C12orf56: variants seen among roughly 807,000 people sequenced by gnomAD.
C12orf56 encodes the protein chromosome 12 open reading frame 56, also known as uncharacterized protein C12orf56.
In C12orf56, 71 loss-of-function variants were observed where a neutral mutation model predicts 69.9. The observed-to-expected ratio is 1.02, with a 90% CI of 0.84 to 1.24. The LOEUF is 1.24. Among genes scored for constraint, C12orf56 ranks in the 50% most tolerant of loss-of-function variants. The pLI is 0.00. For synonymous variants in C12orf56, 276 were observed against 274.1 expected (o/e 1.01, Z -0.07); for missense variants, 732 against 738.5 (o/e 0.99, Z 0.10).
chr12:64,319,484 C>T (rs1309437900), intron 3 of C12orf56, among the ~76,000 whole-genome samples: 1 of 152,192 alleles, frequency 6.6e-6, no homozygotes, highest in East Asian at 1.9e-4. Context: ...TAACCTCCAC[C>T]TCCCAGGCTC....
rs146823207 is a variant in C12orf56, at chr12:64,286,116, C to G, written c.1114-56G>C. 458 of 1,102,882 alleles carry G rather than the reference C, an allele frequency of 4.2e-4. 2 individuals carry two copies. In the African/African-American group the frequency reaches 6.3e-3, roughly 15 times the overall value. The allele number at this position is 1,102,882 out of a possible 1,614,324, so 68.3% of individuals were successfully genotyped here. A position where few individuals can be genotyped will look rare whatever the true frequency, so the allele number is the denominator to read the frequency against. On this transcript the variant is annotated intron_variant, in intron 6 of 12. Transcript: ENST00000543942. ...AATTAAGGTATCTGTTGTTAAAATTCTCTACTCTCATGTACTAAAAATATG... is the reference window on the plus strand; with the variant it reads ...AATTAAGGTATCTGTTGTTAAAATTGTCTACTCTCATGTACTAAAAATATG...
chr12:64,268,557 A>C (rs1162976), intron 12 of C12orf56, among the ~76,000 whole-genome samples: 106,828 of 151,836 alleles, frequency 0.7, 38,768 homozygotes, highest in Non-Finnish European at 0.8. Flanking sequence ...GGAGGAGGAG[A>C]ATATGTGGTG....
intron 1 of C12orf56, among the ~76,000 whole-genome samples, chr12:64,359,357 T>TA (rs1388999544): frequency 7.2e-5 from 11 of 152,184 alleles, no homozygotes; most frequent in Non-Finnish European, 1.5e-4. Context: ...CCATGTCACA[T>TA]AAAAAATAAA....
intron 5 of C12orf56, among the ~76,000 whole-genome samples, chr12:64,306,673 GA>G (rs761057072): frequency 2.0e-5 from 3 of 152,216 alleles, no homozygotes; most frequent in Middle Eastern, 3.4e-3. Flanking sequence ...CCAGCCGCAG[GA>G]AAGATTCTTA....
intron 1 of C12orf56, among the ~76,000 whole-genome samples, chr12:64,382,757 T>C (rs2039736094): frequency 1.3e-5 from 2 of 150,860 alleles, no homozygotes; most frequent in African/African-American, 2.4e-5. Context: ...CCTGTAGTCC[T>C]AGCTACTCAG....
intron 3 of C12orf56, among the ~76,000 whole-genome samples, chr12:64,329,443 A>AC (rs1340338924): frequency 1.3e-5 from 2 of 151,918 alleles, no homozygotes; most frequent in East Asian, 3.9e-4. Context: ...GTCTTTCCCT[A>AC]CTTCAATCCA....
intron 4 of C12orf56, among the ~76,000 whole-genome samples, chr12:64,314,937 CTTTTTTTTTTT>C (rs534106623): frequency 9.0e-5 from 4 of 44,596 alleles, no homozygotes; most frequent in Non-Finnish European, 1.1e-4. Context: ...ATCCGGCCAG[CTTTTTTTTTTT>C]TTTTTTTTTT....
rs897623021 is a variant in C12orf56 at position 64,390,699 on chromosome 12, G to C, written c.-134C>G. ...GCCTCCTCTCCAGGCGCGGGGACCC[G>C]GGCCGCAACTGCAGGAATCGACGCT... On this transcript the variant is annotated 5_prime_UTR_variant, in exon 1 of 13. Coordinates refer to ENST00000543942, the MANE Select transcript of C12orf56 (RefSeq NM_001170633.2). 1 of 1,264,556 alleles carries C rather than the reference G, an allele frequency of 7.9e-7. No homozygotes were observed. Among genetic ancestry groups the C allele is most frequent in the South Asian group, 1.8e-5 (1 of 54,426 alleles). 78.3% of individuals were successfully genotyped at this position (1,264,556 alleles called of 1,614,324 possible).
intron 1 of C12orf56, among the ~76,000 whole-genome samples, chr12:64,366,026 A>G (rs2039470691): frequency 8.3e-6 from 1 of 121,170 alleles, no homozygotes; most frequent in South Asian, 2.4e-4. Flanking sequence ...TATAGCTTGT[A>G]TAATATATAG....
At chr12:64,305,746 G>A (rs775610673) in intron 5 of C12orf56, among the ~76,000 whole-genome samples, 4 of 152,046 alleles carry the variant, frequency 2.6e-5, no homozygotes, top group Non-Finnish European at 5.9e-5. Context: ...TTTGATAAAC[G>A]GTCTCTAAAT....
intron 1 of C12orf56, among the ~76,000 whole-genome samples, chr12:64,377,005 C>G (rs1348061029): frequency 6.6e-6 from 1 of 152,022 alleles, no homozygotes; most frequent in Non-Finnish European, 1.5e-5. Flanking sequence ...TCCTTTTTCT[C>G]CACAATCTCA....
intron 2 of C12orf56, among the ~76,000 whole-genome samples, chr12:64,346,603 T>C (rs929039069): frequency 6.6e-6 from 1 of 152,180 alleles, no homozygotes; most frequent in African/African-American, 2.4e-5. Flanking sequence ...GGTGATCATC[T>C]CAATCTCTAG....
chr12:64,341,354 C>T (rs946302606), intron 2 of C12orf56, among the ~76,000 whole-genome samples: 1 of 152,092 alleles, frequency 6.6e-6, no homozygotes, highest in East Asian at 1.9e-4. Flanking sequence ...AGGAACAGCA[C>T]CATATTGGAT....
At chr12:64,373,505 G>T (rs550796581) in intron 1 of C12orf56, among the ~76,000 whole-genome samples, 1 of 152,254 alleles carries the variant, frequency 6.6e-6, no homozygotes, top group African/African-American at 2.4e-5. Flanking sequence ...GCACAATGTA[G>T]AGAAAAATTT....
At chr12:64,277,632 C>CTATATATATATA in intron 9 of C12orf56, 48 bp downstream of exon 9, 3 of 936,696 alleles carry the variant, frequency 3.2e-6, no homozygotes, top group Middle Eastern at 3.4e-4. Flanking sequence ...GCCAGGGCCC[C>CTATATATATATA]TATATATATA....
At chr12:64,328,332 A>C (rs561354074) in intron 3 of C12orf56, among the ~76,000 whole-genome samples, 1 of 152,012 alleles carries the variant, frequency 6.6e-6, no homozygotes, top group African/African-American at 2.4e-5. Context: ...GGCAGCTCCC[A>C]GAATCCTACA....
chr12:64,341,744 G>A (rs563106908), intron 2 of C12orf56, among the ~76,000 whole-genome samples: 8 of 152,156 alleles, frequency 5.3e-5, no homozygotes, highest in Non-Finnish European at 1.0e-4. Context: ...TGATGGAAAA[G>A]GCCTAATATA....
intron 1 of C12orf56, among the ~76,000 whole-genome samples, chr12:64,382,072 G>A (rs969308168): frequency 6.6e-6 from 1 of 151,922 alleles, no homozygotes; most frequent in African/African-American, 2.4e-5. Context: ...GACCAGCCTG[G>A]CCAACATGGT....
chr12:64,388,066 C>A (rs1047858618), intron 1 of C12orf56, among the ~76,000 whole-genome samples: 3 of 152,206 alleles, frequency 2.0e-5, no homozygotes, highest in Middle Eastern at 3.4e-3. Flanking sequence ...GTCTCCCTGG[C>A]TCAAGTGATC....
Sources: gnomAD v4.1 joint callset for allele counts (sites outside exome capture counted in the v4.1 genomes callset) on GRCh38, gnomAD v4.1.1 for gene constraint, MANE v1.5 for transcripts, NCBI Gene and HGNC (gene_info 2026-07-23, HGNC 2026-07-21) for gene names.